Variants in GLIS3 observed in about 807,000 individuals in gnomAD.
GLIS3 encodes GLIS family zinc finger 3.
GLIS3 carries 53 observed loss-of-function variants against 78.6 expected under a neutral mutation model. The ratio of observed to expected loss-of-function variants is 0.67; its 90% CI spans 0.54 to 0.85. The LOEUF is 0.85. Among genes scored for constraint, GLIS3 ranks in the 40% least tolerant of loss-of-function variants. GLIS3 has a pLI of 0.00. For synonymous variants in GLIS3, 684 were observed against 509.9 expected (o/e 1.34, Z -4.60); for missense variants, 1,703 against 1,231.1 (o/e 1.38, Z -5.74).
the GLIS3 span, among the ~76,000 whole-genome samples, chr9:4,420,446 T>G: frequency 6.6e-6 from 1 of 152,162 alleles, no homozygotes; most frequent in Admixed American, 6.5e-5. Flanking sequence ...CCTCAAACCA[T>G]TACTCGTAAG....
intron 4 of GLIS3, among the ~76,000 whole-genome samples, chr9:3,988,454 T>C (rs563501122): frequency 2.6e-5 from 4 of 152,270 alleles, no homozygotes; most frequent in Non-Finnish European, 4.4e-5. Flanking sequence ...GAAACCTAAA[T>C]GGAAGTGAGG....
chr9:4,373,203 T>C, the GLIS3 span, among the ~76,000 whole-genome samples: 12 of 152,352 alleles, frequency 7.9e-5, no homozygotes, highest in East Asian at 2.3e-3. Flanking sequence ...GTACCTGGTG[T>C]ACCTAGAATG....
At chr9:3,922,088 T>C (rs777217394) in intron 6 of GLIS3, among the ~76,000 whole-genome samples, 2 of 152,258 alleles carry the variant, frequency 1.3e-5, no homozygotes, top group African/African-American at 2.4e-5. Context: ...CTTTAGGATA[T>C]GTACTAAGAT....
intron 4 of GLIS3, among the ~76,000 whole-genome samples, chr9:4,040,619 A>G (rs1180879797): frequency 1.3e-5 from 2 of 152,190 alleles, no homozygotes; most frequent in African/African-American, 4.8e-5. Flanking sequence ...CTGAACGGGA[A>G]CTCCCAGCAC....
chr9:4,206,657 C>T (rs55921369), intron 2 of GLIS3, among the ~76,000 whole-genome samples: 71 of 152,314 alleles, frequency 4.7e-4, no homozygotes, highest in Middle Eastern at 3.4e-3. Flanking sequence ...ACCTTAAATT[C>T]TCAGGTCTAA....
At chr9:4,102,486 T>C (rs567523280) in intron 4 of GLIS3, among the ~76,000 whole-genome samples, 3 of 152,154 alleles carry the variant, frequency 2.0e-5, no homozygotes, top group Non-Finnish European at 2.9e-5. Context: ...ACAGGAGACA[T>C]ACAGCAATGC....
intron 4 of GLIS3, among the ~76,000 whole-genome samples, chr9:4,086,767 A>G (rs1009331463): frequency 2.6e-5 from 4 of 152,220 alleles, no homozygotes; most frequent in Non-Finnish European, 5.9e-5. Context: ...TTTCAGCATC[A>G]TGAACAACTT....
intron 2 of GLIS3, among the ~76,000 whole-genome samples, chr9:4,265,717 A>C (rs1825938075): frequency 6.6e-6 from 1 of 152,214 alleles, no homozygotes; most frequent in Non-Finnish European, 1.5e-5. Context: ...ACCAAGTGTC[A>C]TGTTAGGGTG....
At chr9:4,319,342 G>A (rs896795087) in intron 2 of GLIS3, among the ~76,000 whole-genome samples, 1 of 152,146 alleles carries the variant, frequency 6.6e-6, no homozygotes, top group African/African-American at 2.4e-5. Flanking sequence ...TGGGGGAGCA[G>A]GAAGAAACAG....
intron 4 of GLIS3, chr9:4,071,744 C>T (rs1337560821): frequency 1.3e-5 from 2 of 152,152 alleles, no homozygotes; most frequent in East Asian, 1.9e-4. Flanking sequence ...TTGCCATCCT[C>T]CTTGAAACAC....
intron 2 of GLIS3, among the ~76,000 whole-genome samples, chr9:4,225,088 C>T (rs528644196): frequency 4.6e-5 from 7 of 151,746 alleles, no homozygotes; most frequent in East Asian, 3.9e-4. Flanking sequence ...GGCATTATTA[C>T]GGCTGTCTTC....
chr9:3,839,609 A>G (rs1445525959), intron 9 of GLIS3, among the ~76,000 whole-genome samples: 2 of 152,096 alleles, frequency 1.3e-5, no homozygotes, highest in Admixed American at 1.3e-4. Flanking sequence ...GGAGAAGTTA[A>G]AATAACTGAA....
chr9:4,177,760 G>A (rs929560079), intron 2 of GLIS3, among the ~76,000 whole-genome samples: 16 of 152,178 alleles, frequency 1.1e-4, no homozygotes, highest in African/African-American at 3.9e-4. Context: ...TTCCTGGTGG[G>A]TTTGGAGGTA....
At chr9:4,389,244 C>T in the GLIS3 span, among the ~76,000 whole-genome samples, 2 of 152,182 alleles carry the variant, frequency 1.3e-5, no homozygotes, top group African/African-American at 2.4e-5. Flanking sequence ...TGAGATTCAA[C>T]CTCAGGGCTA....
intron 4 of GLIS3, among the ~76,000 whole-genome samples, chr9:3,956,745 A>T (rs115284224): frequency 1.3e-5 from 2 of 152,156 alleles, no homozygotes; most frequent in Non-Finnish European, 2.9e-5. Flanking sequence ...AATAATCCTC[A>T]AACAGTAATT....
At chr9:3,923,099 T>A (rs1417283011) in intron 6 of GLIS3, among the ~76,000 whole-genome samples, 1 of 152,236 alleles carries the variant, frequency 6.6e-6, no homozygotes, top group Non-Finnish European at 1.5e-5. Context: ...GTAGTCATAG[T>A]TGGATAAGCC....
chr9:4,467,000 G>A, the GLIS3 span, among the ~76,000 whole-genome samples: 12 of 152,320 alleles, frequency 7.9e-5, no homozygotes, highest in South Asian at 1.0e-3. Context: ...CACCTGGCTC[G>A]GCGGGTCCCA....
chr9:3,848,908 C>A (rs1819230946), intron 9 of GLIS3, among the ~76,000 whole-genome samples: 1 of 152,190 alleles, frequency 6.6e-6, no homozygotes, highest in African/African-American at 2.4e-5. Context: ...GACTGGCCTG[C>A]TTTAGGAAGC....
At chr9:4,436,621 A>T in the GLIS3 span, among the ~76,000 whole-genome samples, 2 of 152,066 alleles carry the variant, frequency 1.3e-5, no homozygotes, top group African/African-American at 4.8e-5. Flanking sequence ...CCTAGCCAAC[A>T]TGATGAAATC....
Sources: allele counts gnomAD v4.1 joint callset (sites outside exome capture counted in the v4.1 genomes callset), GRCh38; gene constraint gnomAD v4.1.1; transcripts MANE v1.5; gene names NCBI Gene and HGNC (gene_info 2026-07-23, HGNC 2026-07-21).